NCKIPSD: variants seen among roughly 807,000 people sequenced by gnomAD.
NCKIPSD encodes NCK-interacting protein with SH3 domain.
NCKIPSD carries 48 observed loss-of-function variants against 73.4 expected under a neutral mutation model. The ratio of observed to expected loss-of-function variants is 0.65; its 90% CI spans 0.52 to 0.83. The LOEUF is 0.83. Ranked by LOEUF, NCKIPSD falls within the 40% of genes least tolerant of loss-of-function variation. The pLI, the probability that NCKIPSD is intolerant of heterozygous loss-of-function variation, is 0.00. For missense variants in NCKIPSD, 884 were observed against 970.2 expected, an observed-to-expected ratio of 0.91 and a Z score of 1.18; for synonymous variants, 422 against 403.6, an observed-to-expected ratio of 1.05 and a Z score of -0.54.
chr3:48,679,260 G>A, intron 9 of NCKIPSD, 77 bp from the exon 10 acceptor site: 7 of 1,611,280 alleles, frequency 4.3e-6, no homozygotes, highest in African/African-American at 1.3e-5. Flanking sequence ...CTGGCTTTCT[G>A]TGAGCCTTGG....
Position 48,680,070 on chromosome 3 carries a change from G to C in NCKIPSD, c.1252C>G (p.Leu418Val). 6.2e-7 allele frequency: 1 copy of C among 1,611,724 alleles called. No individual in the cohort carries two copies. Among genetic ancestry groups the C allele is most frequent in the Non-Finnish European group, 8.5e-7 (1 of 1,178,226 alleles). The change falls in exon 6 of 13, where the codon CTG becomes GTG. Residue 418 changes from leucine to valine, a missense_variant. Leu to Val is a conservative substitution (Grantham distance 32, BLOSUM62 1). Transcript: ENST00000294129. ...GVIRCYLEEL[L>V]HILTDADPEV... ...GACCCCACCCTTACCAGAATATGCA[G>C]CAGCTCCTCTAGGTAGCAGCGGATG...
chr3:48,684,792 G>A (rs2077409777), intron 1 of NCKIPSD, among the ~76,000 whole-genome samples: 1 of 152,178 alleles, frequency 6.6e-6, no homozygotes, highest in African/African-American at 2.4e-5. Flanking sequence ...GATCAGACCA[G>A]GAGAAGCTAT....
intron 11 of NCKIPSD, 28 bp downstream of exon 11, chr3:48,678,849 G>A: frequency 1.2e-6 from 2 of 1,613,774 alleles, no homozygotes; most frequent in South Asian, 1.1e-5. Flanking sequence ...CATGGAAGTG[G>A]TACCCGCGCA....
intron 1 of NCKIPSD, among the ~76,000 whole-genome samples, chr3:48,684,859 G>A (rs1013658256): frequency 6.6e-6 from 1 of 152,136 alleles, no homozygotes; most frequent in East Asian, 1.9e-4. Context: ...GAACAAGTAG[G>A]GATGGAACCC....
At chr3:48,681,152 C>T (rs761593878) in intron 5 of NCKIPSD, 135 bp downstream of exon 5, 53 of 1,323,096 alleles carry the variant, frequency 4.0e-5, no homozygotes, top group Middle Eastern at 1.9e-4. Context: ...ATCAGCTCAA[C>T]GTCCCCAGTG....
At position 48,685,903 on chromosome 3, in the gene NCKIPSD, C is replaced by G; in HGVS notation, c.-96G>C. On this transcript the variant is annotated 5_prime_UTR_variant, in exon 1 of 13. Coordinates refer to ENST00000294129, the MANE Select transcript of NCKIPSD (RefSeq NM_016453.4). ...GAGCCGCGCCGCGGTTGTCCCGCCCCGTGACACACTACGCAGGCGCGCGCG... is the reference window on the plus strand; with the variant it reads ...GAGCCGCGCCGCGGTTGTCCCGCCCGGTGACACACTACGCAGGCGCGCGCG... 8.4e-7 allele frequency: 1 copy of G among 1,191,574 alleles called. No homozygotes were observed. The highest frequency in any genetic ancestry group is 1.1e-6 in the Non-Finnish European group (1 of 922,164). The allele number at this position is 1,191,574 out of a possible 1,614,324, so 73.8% of individuals were successfully genotyped here.
chr3:48,682,033 C>G lies in NCKIPSD; in HGVS notation c.598+12G>C. 1 of 1,599,072 alleles carries G rather than the reference C, an allele frequency of 6.3e-7. No individual in the cohort carries two copies. Among genetic ancestry groups the G allele is most frequent in the Non-Finnish European group, 8.5e-7 (1 of 1,179,194 alleles). ...TGCCTCCACCTGAATTCCCCTAACCCTGCCTTCTTACCACTCCCAGAGGCC... is the reference window on the plus strand; with the variant it reads ...TGCCTCCACCTGAATTCCCCTAACCGTGCCTTCTTACCACTCCCAGAGGCC... On this transcript the variant is annotated intron_variant, in intron 4 of 12. Coordinates refer to ENST00000294129, the MANE Select transcript of NCKIPSD (RefSeq NM_016453.4).
intron 9 of NCKIPSD, 44 bp downstream of exon 9, chr3:48,679,333 T>C: frequency 1.3e-5 from 21 of 1,613,054 alleles, no homozygotes; most frequent in Non-Finnish European, 1.7e-5. Flanking sequence ...CAATGGGCCC[T>C]GGCTTAGGAC....
In NCKIPSD at chr3:48,682,943, C is replaced by T; in HGVS notation, c.241G>A (p.Asp81Asn). Reference sequence around the variant, plus strand: ...TGTTCCAGGCTGTACTTGCCACCATCCCGCATGGCTGTGTTGTGTACAGCC... The same window carrying T: ...TGTTCCAGGCTGTACTTGCCACCATTCCGCATGGCTGTGTTGTGTACAGCC... ...IEAVHNTAMRDGGKYSLEQRG... is the reference protein window; with the variant it reads ...IEAVHNTAMRNGGKYSLEQRG... Residue 81 changes from aspartate to asparagine, a missense_variant, in exon 2 of 13, where the codon GAT (aspartate) becomes AAT (asparagine). Physicochemically the swap from Asp to Asn is conservative, Grantham distance 23. Coordinates refer to ENST00000294129, the MANE Select transcript of NCKIPSD (RefSeq NM_016453.4). 3 of 1,553,392 alleles carry T rather than the reference C, an allele frequency of 1.9e-6. No homozygotes were observed. The highest frequency in any genetic ancestry group is 2.6e-6 in the Non-Finnish European group (3 of 1,148,550).
Position 48,674,473 on chromosome 3 carries a change from A to T in NCKIPSD, c.*71T>A. The T allele has an allele frequency of 6.6e-7, 1 of 1,523,108 alleles. No homozygotes were observed. The highest frequency in any genetic ancestry group is 8.8e-7 in the Non-Finnish European group (1 of 1,133,266). The allele number at this position is 1,523,108 out of a possible 1,614,324, so 94.3% of individuals were successfully genotyped here. ...TCCCCTCCCACTGTCAGTGCAAAAC[A>T]TTCTTAGGGCCAAGCCCCTGAGTCC... On this transcript the variant is annotated 3_prime_UTR_variant, in exon 13 of 13. Transcript: ENST00000294129.
At chr3:48,675,765 C>T (rs1415961542) in intron 12 of NCKIPSD, among the ~76,000 whole-genome samples, 1 of 151,692 alleles carries the variant, frequency 6.6e-6, no homozygotes, top group African/African-American at 2.4e-5. Context: ...AGGCTGGTTT[C>T]AAACTCCAGA....
At chr3:48,681,129 T>C (rs1007541798) in intron 5 of NCKIPSD, 158 bp downstream of exon 5, 2 of 1,176,714 alleles carry the variant, frequency 1.7e-6, no homozygotes, top group African/African-American at 1.5e-5. Context: ...TGTCCTTCCT[T>C]TCTGCTTCAG....
At chr3:48,682,295 T>C in intron 3 of NCKIPSD, 53 bp downstream of exon 3, 3 of 1,603,450 alleles carry the variant, frequency 1.9e-6, no homozygotes, top group Admixed American at 3.3e-5. Context: ...AGCCTCTGGA[T>C]GAAGCCTCAA....
intron 8 of NCKIPSD, 59 bp from the exon 9 acceptor site, chr3:48,679,516 T>C: frequency 6.2e-7 from 1 of 1,607,536 alleles, no homozygotes; most frequent in Non-Finnish European, 8.5e-7. Flanking sequence ...CCCCAGCAGA[T>C]GGCAGGAACA....
chr3:48,679,302 A>G (rs1457121787), intron 9 of NCKIPSD, 75 bp downstream of exon 9: 1 of 1,612,130 alleles, frequency 6.2e-7, no homozygotes. Context: ...CTGTGTAGTC[A>G]GCAGGTCCCA....
At chr3:48,679,019 T>C (rs371236556) in intron 10 of NCKIPSD, 36 bp downstream of exon 10, 3 of 1,614,066 alleles carry the variant, frequency 1.9e-6, no homozygotes, top group Non-Finnish European at 2.5e-6. Flanking sequence ...AGAGCCACCA[T>C]GTGCTCAGCC....
At chr3:48,682,186 C>G (rs374639397) in intron 3 of NCKIPSD, 30 bp from the exon 4 acceptor site, 3 of 1,586,734 alleles carry the variant, frequency 1.9e-6, no homozygotes, top group Non-Finnish European at 2.6e-6. Flanking sequence ...TCTTGGAGGA[C>G]AGACTGACAT....
In NCKIPSD at chr3:48,673,971, T is replaced by C. The variant is rs1169075867; in HGVS notation, c.*573A>G. ...ATTGGCTTTCTCAGTGCCATCATCCTGTTCCATGAGGCTCCAGGATGGATG... is the reference window on the plus strand; with the variant it reads ...ATTGGCTTTCTCAGTGCCATCATCCCGTTCCATGAGGCTCCAGGATGGATG... On this transcript the variant is annotated 3_prime_UTR_variant, in exon 13 of 13. Coordinates refer to ENST00000294129, the MANE Select transcript of NCKIPSD (RefSeq NM_016453.4). 4.7e-6 allele frequency: 5 copies of C among 1,068,414 alleles called. No homozygotes were observed. The highest frequency in any genetic ancestry group is 9.0e-5 in the South Asian group (2 of 22,220). 66.2% of individuals were successfully genotyped at this position (1,068,414 alleles called of 1,614,324 possible). A position where few individuals can be genotyped will look rare whatever the true frequency, so the allele number is the denominator to read the frequency against.
At chr3:48,683,172 C>G in intron 1 of NCKIPSD, 160 bp from the exon 2 acceptor site, 1 of 1,329,628 alleles carries the variant, frequency 7.5e-7, no homozygotes, top group Non-Finnish European at 1.0e-6. Flanking sequence ...GAATGGGGTT[C>G]TCAAACTGTA....
Sources: gnomAD v4.1 joint callset for allele counts (sites outside exome capture counted in the v4.1 genomes callset) on GRCh38, gnomAD v4.1.1 for gene constraint, MANE v1.5 for transcripts, NCBI Gene and HGNC (gene_info 2026-07-23, HGNC 2026-07-21) for gene names.